CASC3: variants seen among roughly 807,000 people sequenced by gnomAD.
CASC3 encodes CASC3 exon junction complex subunit, also known as protein CASC3.
CASC3 carries 30 observed loss-of-function variants against 80.5 expected under a neutral mutation model. That is an observed-to-expected ratio of 0.37 (90% CI 0.28 to 0.51). CASC3 has a LOEUF of 0.51. CASC3 is among the 20% of genes least tolerant of loss of function. CASC3 has a pLI of 0.94. For synonymous variants in CASC3, 312 were observed against 333.6 expected, an observed-to-expected ratio of 0.94 and a Z score of 0.70; for missense variants, 824 against 922.2, an observed-to-expected ratio of 0.89 and a Z score of 1.38.
chr17:40,166,734 G>A, intron 7 of CASC3, 63 bp from the exon 8 acceptor site: 1 of 1,096,734 alleles, frequency 9.1e-7, no homozygotes, highest in Non-Finnish European at 1.3e-6. Flanking sequence ...TCTCTTGATA[G>A]TATCTTTGAG....
intron 3 of CASC3, among the ~76,000 whole-genome samples, chr17:40,158,490 A>G (rs964372143): frequency 1.3e-5 from 2 of 152,086 alleles, no homozygotes; most frequent in Non-Finnish European, 1.5e-5. Context: ...CTTAGGTCCA[A>G]ATCTGGGGAG....
chr17:40,163,329 TTCG>T (rs1989354295), intron 6 of CASC3, 149 bp from the exon 7 acceptor site: 3 of 638,298 alleles, frequency 4.7e-6, no homozygotes, highest in South Asian at 2.0e-5. Flanking sequence ...GAAATGAGGT[TTCG>T]CTATGTTGGC....
intron 5 of CASC3, 75 bp downstream of exon 5, chr17:40,162,228 A>G (rs1989320996): frequency 7.2e-7 from 1 of 1,391,394 alleles, no homozygotes; most frequent in African/African-American, 1.4e-5. Flanking sequence ...ATTTGCCTGT[A>G]TTTCATTTAT....
intron 1 of CASC3, 34 bp downstream of exon 1, chr17:40,140,813 G>C (rs1424004360): frequency 1.5e-6 from 2 of 1,333,666 alleles, no homozygotes; most frequent in South Asian, 3.1e-5. Flanking sequence ...GGTGGGGACC[G>C]GGCGGCGAGC....
In CASC3 at chr17:40,171,731, TC is replaced by T; in HGVS notation, c.*1329del. 8.8e-7 allele frequency: 1 copy of T among 1,141,960 alleles called. No individual in the cohort carries two copies. The highest frequency in any genetic ancestry group is 1.1e-6 in the Non-Finnish European group (1 of 918,522). 70.7% of individuals were successfully genotyped at this position (1,141,960 alleles called of 1,614,324 possible). Reference sequence around the variant, plus strand: ...TCTGCCAGGGGTAACCTGGCCACTGTCCCTGTCCTTCTACAGAACCTGAGGG... The same window carrying T: ...TCTGCCAGGGGTAACCTGGCCACTGTCCTGTCCTTCTACAGAACCTGAGGG... On this transcript the variant is annotated 3_prime_UTR_variant, in exon 14 of 14. Coordinates refer to ENST00000264645, the MANE Select transcript of CASC3 (RefSeq NM_007359.5).
In CASC3 at chr17:40,168,346, A is replaced by G; in HGVS notation, c.1894A>G (p.Asn632Asp). The G allele has an allele frequency of 6.2e-7, 1 of 1,614,076 alleles. No individual in the cohort carries two copies. The highest frequency in any genetic ancestry group is 8.5e-7 in the Non-Finnish European group (1 of 1,180,012). The change falls in exon 11 of 14, where the codon AAT (asparagine) becomes GAT (aspartate). Residue 632 changes from asparagine (N) to aspartate (D), a missense_variant. By Grantham distance (23) the Asn-to-Asp change is conservative. Coordinates refer to ENST00000264645, the MANE Select transcript of CASC3 (RefSeq NM_007359.5). Reference sequence around the variant, plus strand: ...TGCTCCAGGCGTCATGAACTTTGGTAATCCCAGTTACCCTTATGCTCCAGG... The same window carrying G: ...TGCTCCAGGCGTCATGAACTTTGGTGATCCCAGTTACCCTTATGCTCCAGG... ...FSAPGVMNFG[N>D]PSYPYAPGAL...
At chr17:40,143,112 A>T (rs1055516572) in intron 3 of CASC3, among the ~76,000 whole-genome samples, 1 of 151,568 alleles carries the variant, frequency 6.6e-6, no homozygotes, top group African/African-American at 2.4e-5. Context: ...AATAAATAAA[A>T]GAAAGGCTGT....
chr17:40,145,911 A>G (rs945481079), intron 3 of CASC3, among the ~76,000 whole-genome samples: 2 of 152,048 alleles, frequency 1.3e-5, no homozygotes, highest in Non-Finnish European at 2.9e-5. Flanking sequence ...GATTACAAGC[A>G]TGAGCCACTA....
intron 3 of CASC3, among the ~76,000 whole-genome samples, chr17:40,160,630 T>G (rs1989271044): frequency 6.6e-6 from 1 of 152,166 alleles, no homozygotes; most frequent in African/African-American, 2.4e-5. Flanking sequence ...TGCCGCTGTT[T>G]TTTTGTTTTT....
intron 3 of CASC3, among the ~76,000 whole-genome samples, chr17:40,149,370 C>G (rs1250559477): frequency 6.7e-6 from 1 of 150,340 alleles, no homozygotes; most frequent in South Asian, 2.1e-4. Context: ...TCATCAGCCT[C>G]TTGAATAGCT....
intron 3 of CASC3, among the ~76,000 whole-genome samples, chr17:40,146,567 G>C (rs1279935570): frequency 1.3e-5 from 2 of 151,360 alleles, no homozygotes; most frequent in African/African-American, 4.9e-5. Context: ...CTCCCAAGTA[G>C]CTGGGATTAC....
intron 3 of CASC3, among the ~76,000 whole-genome samples, chr17:40,142,694 C>G (rs1224604899): frequency 6.6e-6 from 1 of 152,070 alleles, no homozygotes; most frequent in African/African-American, 2.4e-5. Context: ...CGAAACCGTC[C>G]TGGCTAACAT....
Position 40,167,507 on chromosome 17 carries a change from G to GGTGT in CASC3, c.1549_1550insTGTG (p.Gly517ValfsTer34). The GGTGT allele has an allele frequency of 6.2e-7, 1 of 1,613,794 alleles. No homozygotes were observed. The highest frequency in any genetic ancestry group is 8.5e-7 in the Non-Finnish European group (1 of 1,179,724). On this transcript the variant is annotated frameshift_variant, in exon 9 of 14. Coordinates refer to ENST00000264645, the MANE Select transcript of CASC3 (RefSeq NM_007359.5). LOFTEE classifies it high-confidence loss of function. The stretch of plus-strand genomic sequence containing the variant: ...TCTTTCTTTGTCTCAGGGTGTCCAG[G>GGTGT]GTGGTCGAGCCAAACGCTATTCATC...
intron 6 of CASC3, 142 bp from the exon 7 acceptor site, chr17:40,163,339 T>G (rs1048226141): frequency 3.0e-6 from 2 of 662,996 alleles, no homozygotes; most frequent in Admixed American, 6.0e-5. Context: ...TTCGCTATGT[T>G]GGCCAGGCTG....
At chr17:40,162,929 G>A in intron 6 of CASC3, 28 bp downstream of exon 6, 1 of 1,605,230 alleles carries the variant, frequency 6.2e-7, no homozygotes, top group South Asian at 1.1e-5. Context: ...CATAAGACCA[G>A]GCTGGGTATG....
At chr17:40,148,347 A>G (rs536338553) in intron 3 of CASC3, among the ~76,000 whole-genome samples, 5 of 151,178 alleles carry the variant, frequency 3.3e-5, no homozygotes, top group African/African-American at 1.2e-4. Context: ...CCTGGCAGCC[A>G]GGTCAGCTTC....
At position 40,171,083 on chromosome 17, in the gene CASC3, G is replaced by C; in HGVS notation, c.*678G>C. 1.0e-6 allele frequency: 1 copy of C among 985,758 alleles called. No individual in the cohort carries two copies. The highest frequency in any genetic ancestry group is 1.2e-6 in the Non-Finnish European group (1 of 829,944). The allele number at this position is 985,758 out of a possible 1,614,324, so 61.1% of individuals were successfully genotyped here. ...ACTCTAACCCTGTGGAAGCATGGCT[G>C]TCTGCACAGAGGGTCCCATTGTGCA... On this transcript the variant is annotated 3_prime_UTR_variant, in exon 14 of 14. Transcript: ENST00000264645.
At chr17:40,144,017 C>T (rs1334160635) in intron 3 of CASC3, among the ~76,000 whole-genome samples, 3 of 151,724 alleles carry the variant, frequency 2.0e-5, no homozygotes, top group Non-Finnish European at 2.9e-5. Flanking sequence ...TTTGGGAGGC[C>T]GAGGCGGGTG....
Position 40,169,389 on chromosome 17 carries a change from G to A in CASC3, c.2031G>A (p.Lys677=), listed in dbSNP as rs1182905019. Residue 677 remains lysine (K), a synonymous_variant, in exon 12 of 14, where the codon AAG becomes AAA. Coordinates refer to ENST00000264645, the MANE Select transcript of CASC3 (RefSeq NM_007359.5). ...CCGCCCAGCAGCAGGTGCAGCCAAA[G>A]CCCTCCCCACCCCGGAGGACTCCCC... is the stretch of plus-strand genomic sequence containing the variant. ...YNPAQQQVQP[K]PSPPRRTPQP... is the part of the protein sequence containing the mutation. The A allele has an allele frequency of 1.2e-6, 2 of 1,612,526 alleles. No homozygotes were observed. Among genetic ancestry groups the A allele is most frequent in the African/African-American group, 1.3e-5 (1 of 74,780 alleles).
Sources: allele counts gnomAD v4.1 joint callset (sites outside exome capture counted in the v4.1 genomes callset), GRCh38; gene constraint gnomAD v4.1.1; transcripts MANE v1.5; gene names NCBI Gene and HGNC (gene_info 2026-07-23, HGNC 2026-07-21).